Variants in TEX11 observed in about 807,000 individuals in gnomAD.
The protein encoded by TEX11 is testis expressed 11.
In TEX11, 7 loss-of-function variants were observed where a neutral mutation model predicts 84.4. The ratio of observed to expected loss-of-function variants is 0.08; its 90% CI spans 0.05 to 0.16. The LOEUF (loss-of-function observed/expected upper bound fraction) is 0.16, where lower values mean the gene tolerates loss of function less well. Among genes scored for constraint, TEX11 ranks in the 10% least tolerant of loss-of-function variants. The pLI, the probability that TEX11 is intolerant of heterozygous loss-of-function variation, is 1.00. For synonymous variants in TEX11, 264 were observed against 222.8 expected, an observed-to-expected ratio of 1.18 and a Z score of -1.64; for missense variants, 551 against 660.5, an observed-to-expected ratio of 0.83 and a Z score of 1.82.
intron 2 of TEX11, among the ~76,000 whole-genome samples, chrX:70,902,226 G>C (rs958903209): frequency 2.8e-4 from 31 of 111,834 alleles, no homozygotes; most frequent in African/African-American, 8.5e-4. Context: ...ACACCAGCCT[G>C]GGTGAGAGAG....
At chrX:70,528,891 G>C (rs1023295313), downstream of TEX11, 21 of 427,423 alleles carry the variant, frequency 4.9e-5, no homozygotes, top group Non-Finnish European at 8.1e-5. Flanking sequence ...ATCATCCTTA[G>C]CACTTTGGAA....
intron 7 of TEX11, among the ~76,000 whole-genome samples, chrX:70,851,533 G>A (rs2091508307): frequency 9.0e-6 from 1 of 111,039 alleles, no homozygotes. Flanking sequence ...ACTACTGGGG[G>A]AAGTGTAATA....
At chrX:70,567,783 T>A (rs1278504425) in intron 25 of TEX11, among the ~76,000 whole-genome samples, 1 of 111,869 alleles carries the variant, frequency 8.9e-6, no homozygotes, top group Non-Finnish European at 1.9e-5. Context: ...TTTGTTATAA[T>A]GTTTGTTCTT....
intron 25 of TEX11, among the ~76,000 whole-genome samples, chrX:70,585,865 CA>C (rs1453343207): frequency 1.8e-5 from 2 of 111,853 alleles, no homozygotes; most frequent in African/African-American, 3.3e-5. Flanking sequence ...CCAGCCTGAC[CA>C]ACATGGTGAA....
chrX:70,807,856 C>G (rs780612905), intron 8 of TEX11, among the ~76,000 whole-genome samples: 1 of 110,316 alleles, frequency 9.1e-6, no homozygotes, highest in African/African-American at 3.3e-5. Context: ...GTAATCCGAG[C>G]GCTTTGAGAG....
At chrX:70,754,512 G>A (rs1297190956) in intron 9 of TEX11, among the ~76,000 whole-genome samples, 2 of 111,805 alleles carry the variant, frequency 1.8e-5, no homozygotes, top group Non-Finnish European at 3.8e-5. Flanking sequence ...ACTCTTCTGT[G>A]GTGTGGGGGA....
intron 9 of TEX11, among the ~76,000 whole-genome samples, chrX:70,754,368 G>C (rs1455226103): frequency 1.8e-5 from 2 of 111,564 alleles, no homozygotes; most frequent in African/African-American, 6.5e-5. Context: ...CCTTTGGAAA[G>C]GGGGAGGGAA....
chrX:70,893,328 G>A (rs2091749218), intron 2 of TEX11, among the ~76,000 whole-genome samples: 1 of 111,489 alleles, frequency 9.0e-6, no homozygotes, highest in African/African-American at 3.3e-5. Flanking sequence ...AAATGCAAAA[G>A]AACGGAAATC....
intron 28 of TEX11, among the ~76,000 whole-genome samples, chrX:70,540,382 C>T (rs1457563414): frequency 1.8e-5 from 2 of 111,896 alleles, no homozygotes; most frequent in African/African-American, 6.5e-5. Context: ...CCATCCATCT[C>T]CAGAACCAGT....
intron 2 of TEX11, among the ~76,000 whole-genome samples, chrX:70,893,290 C>T (rs1297188301): frequency 9.0e-6 from 1 of 111,555 alleles, no homozygotes; most frequent in East Asian, 2.8e-4. Flanking sequence ...AAATTGACCA[C>T]ATAATTGGAA....
At chrX:70,752,524 C>CAAA (rs753939405) in intron 9 of TEX11, among the ~76,000 whole-genome samples, 4 of 28,133 alleles carry the variant, frequency 1.4e-4, no homozygotes, top group African/African-American at 2.4e-4. Flanking sequence ...TACTCTGTCT[C>CAAA]AAAAAAAAAA....
chrX:70,661,375 C>T (rs761980205), intron 16 of TEX11, among the ~76,000 whole-genome samples: 14 of 112,385 alleles, frequency 1.2e-4, no homozygotes, highest in African/African-American at 4.2e-4. Context: ...CAAAGCAGCC[C>T]GGAAGCTCGA....
intron 28 of TEX11, among the ~76,000 whole-genome samples, chrX:70,531,175 T>G (rs996351472): frequency 5.4e-5 from 6 of 111,721 alleles, no homozygotes; most frequent in Non-Finnish European, 9.4e-5. Flanking sequence ...AGGGAATTTT[T>G]CCTGTGCATT....
chrX:70,815,844 G>T (rs1012570601), intron 8 of TEX11, among the ~76,000 whole-genome samples: 1 of 111,985 alleles, frequency 8.9e-6, no homozygotes, highest in Non-Finnish European at 1.9e-5. Flanking sequence ...TTAAGAGTAT[G>T]TTTTTTGGTT....
chrX:70,828,874 C>T (rs749236934), intron 8 of TEX11, among the ~76,000 whole-genome samples: 16 of 111,051 alleles, frequency 1.4e-4, no homozygotes, highest in African/African-American at 2.3e-4. Flanking sequence ...CACATACAAT[C>T]GAACTTCAAT....
intron 24 of TEX11, among the ~76,000 whole-genome samples, chrX:70,599,814 C>T (rs1339595631): frequency 9.3e-6 from 1 of 107,291 alleles, no homozygotes; most frequent in Non-Finnish European, 1.9e-5. Flanking sequence ...ATGATGATTT[C>T]CAATTTCATC....
At chrX:70,625,023 A>T (rs907866385) in intron 18 of TEX11, 99 bp from the exon 19 acceptor site, 19 of 583,765 alleles carry the variant, frequency 3.3e-5, no homozygotes, top group Non-Finnish European at 4.4e-5. Flanking sequence ...AAATATCTAA[A>T]CATGTTCATT....
At chrX:70,741,377 A>C (rs764778192) in intron 10 of TEX11, among the ~76,000 whole-genome samples, 1 of 112,030 alleles carries the variant, frequency 8.9e-6, no homozygotes, top group African/African-American at 3.2e-5. Context: ...AAAAACAGTC[A>C]AAAATAATCT....
intron 9 of TEX11, among the ~76,000 whole-genome samples, chrX:70,789,242 C>T (rs1377060956): frequency 2.8e-5 from 3 of 108,583 alleles, no homozygotes; most frequent in African/African-American, 6.7e-5. Flanking sequence ...ATACAAATGG[C>T]CAACAGATAT....
Sources: gnomAD v4.1 joint callset for allele counts (sites outside exome capture counted in the v4.1 genomes callset) on GRCh38, gnomAD v4.1.1 for gene constraint, MANE v1.5 for transcripts, NCBI Gene and HGNC (gene_info 2026-07-23, HGNC 2026-07-21) for gene names.